RIC3: variants seen among roughly 807,000 people sequenced by gnomAD.
RIC3 encodes RIC3 acetylcholine receptor chaperone.
RIC3 carries 28 observed loss-of-function variants against 27.3 expected under a neutral mutation model. That is an observed-to-expected ratio of 1.02 (90% confidence interval 0.76 to 1.41). The LOEUF (loss-of-function observed/expected upper bound fraction) is 1.41. RIC3 is among the 40% of genes most tolerant of loss of function. RIC3 has a pLI of 0.00. For synonymous variants in RIC3, 184 were observed against 160.4 expected, an observed-to-expected ratio of 1.15 and a Z score of -1.11; for missense variants, 501 against 444.7, an observed-to-expected ratio of 1.13 and a Z score of -1.14.
chr11:8,131,854 T>C (rs1947766670), intron 4 of RIC3, among the ~76,000 whole-genome samples: 1 of 133,992 alleles, frequency 7.5e-6, no homozygotes, highest in Non-Finnish European at 1.5e-5. Context: ...TGACCTGAGA[T>C]TGCACCACAG....
chr11:8,094,959 G>A, the RIC3 span, among the ~76,000 whole-genome samples: 3 of 152,236 alleles, frequency 2.0e-5, no homozygotes, highest in Admixed American at 1.3e-4. Context: ...CTGTGGTAAC[G>A]GGCAGGAAAG....
intron 5 of RIC3, among the ~76,000 whole-genome samples, chr11:8,113,498 C>T (rs1016903000): frequency 6.6e-6 from 1 of 152,144 alleles, no homozygotes; most frequent in African/African-American, 2.4e-5. Flanking sequence ...AGGTTCCAGA[C>T]AAAACCAGAG....
At chr11:8,147,973 C>T (rs1340630158) in intron 1 of RIC3, among the ~76,000 whole-genome samples, 9 of 152,132 alleles carry the variant, frequency 5.9e-5, no homozygotes, top group African/African-American at 2.2e-4. Flanking sequence ...GATCTGCCCC[C>T]CTTGGTCTCC....
chr11:8,110,759 C>T lies in RIC3; in HGVS notation c.1049G>A (p.Ser350Asn), dbSNP rs1447268629. ...GCTGCCTGTATATGCTTTATCGGTG[C>T]TGATGCCCAACCCTTCATCTTTAAA... ...QDFKDEGLGISTDKAYTGSML... is the reference protein window; with the variant it reads ...QDFKDEGLGINTDKAYTGSML... The change falls in exon 6 of 6, where the codon AGC (serine) becomes AAC (asparagine). Residue 350 changes from serine to asparagine, a missense_variant. Ser to Asn is a conservative substitution (Grantham distance 46). Transcript: ENST00000309737. The T allele has an allele frequency of 6.2e-7, 1 of 1,614,108 alleles. No homozygotes were observed. Among genetic ancestry groups the T allele is most frequent in the East Asian group, 2.2e-5 (1 of 44,896 alleles).
chr11:8,127,581 A>G (rs1001265179), intron 4 of RIC3, among the ~76,000 whole-genome samples: 21 of 152,222 alleles, frequency 1.4e-4, no homozygotes, highest in African/African-American at 5.1e-4. Flanking sequence ...AGACTCAAGG[A>G]TAACAGTTTG....
chr11:8,114,764 A>G (rs529438071), intron 5 of RIC3, among the ~76,000 whole-genome samples: 4 of 152,032 alleles, frequency 2.6e-5, no homozygotes, highest in Admixed American at 2.0e-4. Flanking sequence ...AAAACAAAAA[A>G]TTTACGAGAG....
At chr11:8,120,221 C>T (rs1946293550) in intron 5 of RIC3, among the ~76,000 whole-genome samples, 1 of 152,182 alleles carries the variant, frequency 6.6e-6, no homozygotes, top group Non-Finnish European at 1.5e-5. Flanking sequence ...AATCATGCTA[C>T]TATAAAGACA....
chr11:8,120,063 G>A (rs1946273452), intron 5 of RIC3, among the ~76,000 whole-genome samples: 1 of 152,212 alleles, frequency 6.6e-6, no homozygotes, highest in Admixed American at 6.5e-5. Flanking sequence ...AGGATGTGGA[G>A]AAATAGGAAG....
chr11:8,120,123 A>G (rs1412900644), intron 5 of RIC3, among the ~76,000 whole-genome samples: 1 of 152,234 alleles, frequency 6.6e-6, no homozygotes, highest in Non-Finnish European at 1.5e-5. Flanking sequence ...ATTGTGGAAG[A>G]CAGTGTGGCA....
chr11:8,121,487 G>A (rs561514529), intron 5 of RIC3, among the ~76,000 whole-genome samples: 15 of 152,110 alleles, frequency 9.9e-5, no homozygotes, highest in Admixed American at 8.5e-4. Context: ...AGGTTGTGGT[G>A]GGCAGATCGC....
At chr11:8,154,200 G>T (rs983252216) in intron 1 of RIC3, among the ~76,000 whole-genome samples, 2 of 151,994 alleles carry the variant, frequency 1.3e-5, no homozygotes, top group African/African-American at 4.8e-5. Flanking sequence ...AAATATAACT[G>T]AAGTCCCTTG....
chr11:8,116,479 G>C (rs551506041), intron 5 of RIC3, among the ~76,000 whole-genome samples: 2 of 152,248 alleles, frequency 1.3e-5, no homozygotes, highest in South Asian at 4.1e-4. Flanking sequence ...ACAGTAAAGA[G>C]ACAATCTATG....
intron 5 of RIC3, among the ~76,000 whole-genome samples, chr11:8,112,756 T>TA (rs1188951301): frequency 6.6e-6 from 1 of 152,226 alleles, no homozygotes; most frequent in African/African-American, 2.4e-5. Flanking sequence ...TATAGCTACA[T>TA]AACTGACATG....
chr11:8,101,456 TTC>T, downstream of RIC3: 1 of 1,600,134 alleles, frequency 6.2e-7, no homozygotes, highest in Non-Finnish European at 8.5e-7. Context: ...TCCTGTCCTT[TTC>T]TCTGTCTGTG....
At chr11:8,128,141 T>C in intron 4 of RIC3, 1 of 455,938 alleles carries the variant, frequency 2.2e-6, no homozygotes, top group East Asian at 6.9e-5. Flanking sequence ...TGCTCGTGTG[T>C]CCCACATAAC....
rs369525136 is a variant in RIC3, at chr11:8,136,004, C to T, written c.521+1374G>A. Among the ~76,000 whole-genome samples, 206 of 152,292 alleles carry T rather than the reference C, an allele frequency of 1.4e-3. 4 individuals carry two copies. The South Asian group carries it at 0.02, about 15-fold the overall frequency. On this transcript the variant is annotated intron_variant, in intron 4 of 5. Coordinates refer to ENST00000309737, the MANE Select transcript of RIC3 (RefSeq NM_001206671.4). ...AATAAATATCAATTATTATTGTACACTCACACAGATATATTAATGTATCTA... is the reference window on the plus strand; with the variant it reads ...AATAAATATCAATTATTATTGTACATTCACACAGATATATTAATGTATCTA...
downstream of RIC3, chr11:8,101,840 G>GTTTT: frequency 2.1e-6 from 1 of 476,112 alleles, no homozygotes; most frequent in Non-Finnish European, 3.2e-6. Context: ...GAAGGGATGA[G>GTTTT]AATAATTCTT....
At chr11:8,162,192 G>A (rs1018412458) in intron 1 of RIC3, among the ~76,000 whole-genome samples, 6 of 152,220 alleles carry the variant, frequency 3.9e-5, no homozygotes, top group African/African-American at 1.4e-4. Context: ...GAGCCCCAGT[G>A]TGACAACTGT....
chr11:8,100,770 G>T, the RIC3 span: 8 of 1,602,276 alleles, frequency 5.0e-6, no homozygotes, highest in Non-Finnish European at 6.0e-6. Context: ...ATCCCTTTCT[G>T]GGGTGGTCAT....
Sources: allele counts gnomAD v4.1 joint callset (sites outside exome capture counted in the v4.1 genomes callset), GRCh38; gene constraint gnomAD v4.1.1; transcripts MANE v1.5; gene names NCBI Gene and HGNC (gene_info 2026-07-23, HGNC 2026-07-21).